Variants in POLD1 observed in about 807,000 individuals in gnomAD.
POLD1 encodes the protein DNA polymerase delta 1, catalytic subunit, also known as DNA polymerase delta catalytic subunit.
In POLD1, 79 loss-of-function variants were observed where a neutral mutation model predicts 129.7. The ratio of observed to expected loss-of-function variants is 0.61; its 90% CI spans 0.51 to 0.73. The LOEUF (loss-of-function observed/expected upper bound fraction) is 0.73, where lower values mean the gene tolerates loss of function less well. POLD1 is among the 30% of genes least tolerant of loss of function. POLD1 has a pLI of 0.00. For missense variants in POLD1, 1,338 were observed against 1,595.8 expected (o/e 0.84, Z 2.75); for synonymous variants, 714 against 683.3 (o/e 1.04, Z -0.70).
chr19:50,401,381 ATATATATATATTTTTTTT>A (rs1364416052), intron 3 of POLD1, among the ~76,000 whole-genome samples: 7 of 57,234 alleles, frequency 1.2e-4, no homozygotes, highest in South Asian at 4.9e-4. Context: ...ATATATATAT[ATATATATATATTTTTTTT>A]TTTTTTTTTT....
At chr19:50,402,780 T>C (rs761794519) in intron 8 of POLD1, 39 bp downstream of exon 8, 1 of 1,557,094 alleles carries the variant, frequency 6.4e-7, no homozygotes. Context: ...GCCTCATTGA[T>C]GTGCCAAGTC....
Position 50,406,089 on chromosome 19 carries a change from T to TA in POLD1, c.1243-92dup. The stretch of plus-strand genomic sequence containing the variant: ...GTTGCTCTCGACCCCCTAGGGTTGT[T>TA]ATAAGGATGTTGTGGTTGGTCTCAA... On this transcript the variant is annotated intron_variant, in intron 10 of 26. Coordinates refer to ENST00000440232, the MANE Select transcript of POLD1 (RefSeq NM_002691.4). This position sits in a 1 kb window ranked among gnomAD's most constrained non-coding sequence, Gnocchi z 5.5. 2.7e-6 allele frequency: 4 copies of TA among 1,482,148 alleles called. No individual in the cohort carries two copies. The South Asian group carries it at 5.0e-5, about 18-fold the overall frequency. The allele number at this position is 1,482,148 out of a possible 1,614,324, so 91.8% of individuals were successfully genotyped here.
intron 1 of POLD1, among the ~76,000 whole-genome samples, chr19:50,394,547 C>A (rs1037731923): frequency 6.6e-6 from 1 of 151,860 alleles, no homozygotes; most frequent in African/African-American, 2.4e-5. Context: ...CCCAGCTACT[C>A]GGGAGGCTGA....
At chr19:50,415,866 C>G in intron 22 of POLD1, 40 bp downstream of exon 22, 1 of 1,338,174 alleles carries the variant, frequency 7.5e-7, no homozygotes, top group South Asian at 1.4e-5. Flanking sequence ...CCAGCCCCCT[C>G]GCTCTCACTT....
At chr19:50,389,366 C>G (rs2038074762) in intron 1 of POLD1, among the ~76,000 whole-genome samples, 1 of 151,958 alleles carries the variant, frequency 6.6e-6, no homozygotes, top group South Asian at 2.1e-4. Flanking sequence ...AAGCAATCCC[C>G]CTGCCTCGGC....
intron 17 of POLD1, chr19:50,410,957 CTTTTTT>C: frequency 8.2e-6 from 1 of 122,440 alleles, no homozygotes; most frequent in Non-Finnish European, 1.7e-5. Flanking sequence ...ACACAAACAC[CTTTTTT>C]TTTTTTTTTT....
intron 3 of POLD1, among the ~76,000 whole-genome samples, chr19:50,401,278 T>C (rs2122222003): frequency 1.4e-5 from 2 of 145,848 alleles, no homozygotes; most frequent in South Asian, 4.2e-4. Context: ...TATTAATTTA[T>C]GTATAACATA....
Position 50,402,025 on chromosome 19 carries a change from C to T in POLD1, c.490C>T (p.Leu164=), listed in dbSNP as rs2122237777. 1.2e-6 allele frequency: 2 copies of T among 1,614,126 alleles called. No homozygotes were observed. The highest frequency in any genetic ancestry group is 2.2e-5 in the South Asian group (2 of 91,080). Residue 164 remains leucine, a synonymous_variant, in exon 5 of 27, where the codon CTG becomes TTG. Transcript: ENST00000440232. The part of the protein sequence containing the change: ...PGFGPEHMGD[L]QRELNLAISR... The stretch of plus-strand genomic sequence containing the variant: ...TTTCGGGCCCGAGCACATGGGTGAC[C>T]TGCAACGGGAGCTGAACTTGGCCAT...
intron 1 of POLD1, among the ~76,000 whole-genome samples, chr19:50,390,651 A>C (rs953824535): frequency 6.6e-6 from 1 of 151,598 alleles, no homozygotes; most frequent in African/African-American, 2.4e-5. Context: ...TCATAGGACA[A>C]TAGTGGAGGG....
rs577994900 is a variant in POLD1, at chr19:50,397,289, C to A, written c.-1-1562C>A. Among the ~76,000 whole-genome samples, 526 of 151,870 alleles carry A rather than the reference C, an allele frequency of 3.5e-3. 8 individuals are homozygous for A. The highest frequency in any genetic ancestry group is 0.012 in the African/African-American group (505 of 41,448). On this transcript the variant is annotated intron_variant, in intron 1 of 26. Transcript: ENST00000440232. The stretch of plus-strand genomic sequence containing the variant: ...TGGCGCGTGCTTGTAATCCCAGCTA[C>A]TTGGGAGGCTGAGGCAGAAGAATTG...
intron 17 of POLD1, among the ~76,000 whole-genome samples, chr19:50,410,396 C>G (rs777755758): frequency 1.2e-4 from 19 of 152,090 alleles, no homozygotes; most frequent in Non-Finnish European, 2.9e-5. Flanking sequence ...TGGCTGGGCA[C>G]TGCGCCACTT....
chr19:50,404,166 G>C lies in POLD1; in HGVS notation c.1242+569G>C, dbSNP rs563954513. ...CTTCGGGGGCTGCAAGGGAGGACTG[G>C]TTCACGGCCTCTCTCCTTGGCTTGC... On this transcript the variant is annotated intron_variant, in intron 10 of 26. Transcript: ENST00000440232. Among the ~76,000 whole-genome samples, 10 of 152,276 alleles carry C rather than the reference G, an allele frequency of 6.6e-5. No homozygotes were observed. In the South Asian group the frequency reaches 2.1e-3, roughly 32 times the overall value.
chr19:50,410,975 T>TTTTTTTTTTTTTTTA (rs1374033814), intron 17 of POLD1: 1 of 150,516 alleles, frequency 6.6e-6, no homozygotes, highest in African/African-American at 2.5e-5. Flanking sequence ...TTTTTTTTTT[T>TTTTTTTTTTTTTTTA]GAGACAGAGT....
Position 50,415,742 on chromosome 19 carries a change from C to G in POLD1, c.2736C>G (p.Pro912=), listed in dbSNP as rs372269344. The change falls in exon 22 of 27, where the codon CCC becomes CCG. Residue 912 remains proline (P), a synonymous_variant. Transcript: ENST00000440232. The part of the protein sequence containing the change: ...ELAERMRKRD[P]GSAPSLGDRV... ...CACGCAGGATGAGGAAGCGGGACCCCGGGAGTGCGCCCAGCCTGGGCGACC... is the reference window on the plus strand; with the variant it reads ...CACGCAGGATGAGGAAGCGGGACCCGGGGAGTGCGCCCAGCCTGGGCGACC... 3.2e-6 allele frequency: 5 copies of G among 1,560,840 alleles called. No homozygotes were observed. The highest frequency in any genetic ancestry group is 4.3e-6 in the Non-Finnish European group (5 of 1,155,916).
intron 14 of POLD1, 79 bp from the exon 15 acceptor site, chr19:50,408,706 G>T: frequency 1.3e-6 from 2 of 1,554,938 alleles, no homozygotes; most frequent in Admixed American, 2.0e-5. Flanking sequence ...TTTTTTTAAA[G>T]GGTGAGGCCA....
At chr19:50,386,571 A>G (rs765402588) in intron 1 of POLD1, among the ~76,000 whole-genome samples, 4 of 152,208 alleles carry the variant, frequency 2.6e-5, no homozygotes, top group Admixed American at 6.5e-5. Flanking sequence ...TGCAATAACG[A>G]AAGTGGCACA....
In POLD1 at chr19:50,409,589, C is replaced by T; in HGVS notation, c.2077C>T (p.Leu693=). The change falls in exon 17 of 27, where the codon CTG becomes TTG. Residue 693 remains leucine, a synonymous_variant. Transcript: ENST00000440232. The surrounding 1 kb of genome is among the most constrained non-coding windows in gnomAD (Gnocchi z 5.8). ...GGTCCTGGATGGACGGCAGCTGGCGCTGAAGGTGAGCGCCAACTCCGTATA... is the reference window on the plus strand; with the variant it reads ...GGTCCTGGATGGACGGCAGCTGGCGTTGAAGGTGAGCGCCAACTCCGTATA... The part of the protein sequence containing the change: ...RQVLDGRQLA[L]KVSANSVYGF... 6.2e-7 allele frequency: 1 copy of T among 1,613,384 alleles called. No individual in the cohort carries two copies.
chr19:50,392,871 C>G (rs565679220), intron 1 of POLD1, among the ~76,000 whole-genome samples: 38 of 152,256 alleles, frequency 2.5e-4, no homozygotes, highest in Non-Finnish European at 4.3e-4. Flanking sequence ...CACTGTGCAT[C>G]TTGCTTTATC....
In POLD1 at chr19:50,407,064, C is replaced by T. The variant is rs2038918892; in HGVS notation, c.1576C>T (p.Leu526Phe). 6.2e-7 allele frequency: 1 copy of T among 1,613,842 alleles called. No homozygotes were observed. Among genetic ancestry groups the T allele is most frequent in the African/African-American group, 1.3e-5 (1 of 75,048 alleles). ...AYLPLRLLER[L>F]MVLVNAVEMA... ...CCTGCCACTGCGGCTGCTGGAGCGG[C>T]TCATGGTGCTGGTGAACGCCGTGGA... is the stretch of plus-strand genomic sequence containing the variant. Residue 526 changes from leucine (L) to phenylalanine (F), a missense_variant, in exon 13 of 27, where the codon CTC becomes TTC. By Grantham distance (22) the Leu-to-Phe change is conservative. Around this residue, in one of 3 missense-constraint regions of POLD1, gnomAD observed 720 missense variants for 1,002.6 expected, o/e 0.72. Coordinates refer to ENST00000440232, the MANE Select transcript of POLD1 (RefSeq NM_002691.4).
Sources: allele counts gnomAD v4.1 joint callset (sites outside exome capture counted in the v4.1 genomes callset), GRCh38; gene constraint gnomAD v4.1.1; regional missense constraint gnomAD v4.1.1; non-coding constraint Gnocchi (gnomAD v3.1); transcripts MANE v1.5; gene names NCBI Gene and HGNC (gene_info 2026-07-23, HGNC 2026-07-21).